RBMS3: variants seen among roughly 807,000 people sequenced by gnomAD.
The protein encoded by RBMS3 is RNA binding motif single stranded interacting protein 3, also known as RNA-binding motif, single-stranded-interacting protein 3.
Under a neutral mutation model 66.8 loss-of-function variants are expected in RBMS3, and 27 were observed. The observed-to-expected ratio is 0.40, with a 90% confidence interval of 0.30 to 0.56. RBMS3 has a LOEUF of 0.56. Among genes scored for constraint, RBMS3 ranks in the 20% least tolerant of loss-of-function variants. The pLI, the probability that RBMS3 is intolerant of heterozygous loss-of-function variation, is 0.40. For missense variants in RBMS3, 513 were observed against 549.5 expected, an observed-to-expected ratio of 0.93 and a Z score of 0.66; for synonymous variants, 188 against 183.0, an observed-to-expected ratio of 1.03 and a Z score of -0.22.
intron 4 of RBMS3, among the ~76,000 whole-genome samples, chr3:29,632,776 GT>G (rs921119679): frequency 2.0e-5 from 3 of 151,852 alleles, no homozygotes; most frequent in African/African-American, 7.2e-5. Flanking sequence ...GGATCTTTGT[GT>G]TTTTTCTTCC....
intron 2 of RBMS3, chr3:29,435,140 A>C: frequency 2.0e-6 from 1 of 502,412 alleles, no homozygotes; most frequent in Non-Finnish European, 3.5e-6. Context: ...TATACATGGA[A>C]ATGCTGGCTG....
intron 12 of RBMS3, among the ~76,000 whole-genome samples, chr3:29,987,224 T>G: frequency 6.6e-6 from 1 of 152,206 alleles, no homozygotes; most frequent in East Asian, 1.9e-4. Context: ...TTTGATGTTT[T>G]GTGTTATTGG....
intron 10 of RBMS3, among the ~76,000 whole-genome samples, chr3:29,904,904 T>C (rs2060338996): frequency 6.6e-6 from 1 of 152,042 alleles, no homozygotes; most frequent in Non-Finnish European, 1.5e-5. Flanking sequence ...TCTTTTCTTA[T>C]TTATAAAAGA....
At chr3:29,634,673 G>GTGTTTCCTA (rs1165680464) in intron 4 of RBMS3, among the ~76,000 whole-genome samples, 1 of 151,702 alleles carries the variant, frequency 6.6e-6, no homozygotes, top group Admixed American at 6.6e-5. Context: ...TCCCATCTAG[G>GTGTTTCCTA]TGTTTCCTAG....
rs552203851 is a variant in RBMS3, at chr3:29,978,033, A to G, written c.1099-10110A>G. ...TCGTTCTCTTAGTCCTCTGCCATTTATTAGCTGGATAAAATGAAAGCAGTC... is the reference window on the plus strand; with the variant it reads ...TCGTTCTCTTAGTCCTCTGCCATTTGTTAGCTGGATAAAATGAAAGCAGTC... On this transcript the variant is annotated intron_variant, in intron 12 of 14. Coordinates refer to ENST00000383767, the MANE Select transcript of RBMS3 (RefSeq NM_001003793.3). 5.3e-5 allele frequency among the ~76,000 whole-genome samples: 8 copies of G among 152,292 alleles called. No individual in the cohort carries two copies. The South Asian group carries it at 1.7e-3, about 32-fold the overall frequency.
chr3:29,442,628 C>T (rs2041670434), intron 2 of RBMS3, among the ~76,000 whole-genome samples: 1 of 152,102 alleles, frequency 6.6e-6, no homozygotes, highest in African/African-American at 2.4e-5. Context: ...AGGCAGATCT[C>T]ATGCTGAATG....
chr3:29,822,007 A>G (rs956868843), intron 6 of RBMS3, among the ~76,000 whole-genome samples: 3 of 152,158 alleles, frequency 2.0e-5, no homozygotes, highest in Non-Finnish European at 2.9e-5. Flanking sequence ...TTTTTTCATC[A>G]TATGTTCATT....
At chr3:29,389,372 G>A in intron 1 of RBMS3, among the ~76,000 whole-genome samples, 1 of 152,156 alleles carries the variant, frequency 6.6e-6, no homozygotes, top group Admixed American at 6.5e-5. Context: ...CTGCAGAAGT[G>A]CGCTTGGCTT....
chr3:29,994,380 A>ATTAG (rs1289819724), intron 14 of RBMS3, among the ~76,000 whole-genome samples: 2 of 152,252 alleles, frequency 1.3e-5, no homozygotes, highest in African/African-American at 4.8e-5. Context: ...CCCAGGCTTG[A>ATTAG]TTAGGTAAAC....
At chr3:29,563,682 A>T (rs76587103) in intron 3 of RBMS3, among the ~76,000 whole-genome samples, 12,595 of 152,242 alleles carry the variant, frequency 0.083, 580 homozygotes, top group South Asian at 0.11. Flanking sequence ...TTTTTAAAAA[A>T]ACTTCCTGTT....
chr3:29,327,090 A>T (rs2125504657), intron 1 of RBMS3, among the ~76,000 whole-genome samples: 1 of 152,224 alleles, frequency 6.6e-6, no homozygotes, highest in Middle Eastern at 3.4e-3. Flanking sequence ...AAGGTAGGAG[A>T]CTAATGTTAA....
chr3:29,972,491 C>T (rs1039739562), intron 12 of RBMS3, among the ~76,000 whole-genome samples: 2 of 151,972 alleles, frequency 1.3e-5, no homozygotes, highest in Admixed American at 6.6e-5. Flanking sequence ...GCTCACCACC[C>T]ATCTTGGATC....
chr3:29,883,838 A>G (rs2059793289), intron 7 of RBMS3, among the ~76,000 whole-genome samples: 1 of 151,994 alleles, frequency 6.6e-6, no homozygotes, highest in Non-Finnish European at 1.5e-5. Flanking sequence ...GAGATGTACA[A>G]TAGGTGTTCT....
Position 30,009,853 on chromosome 3 carries a change from TTTC to T in RBMS3, c.*5992_*5994del, listed in dbSNP as rs1424002880. ...TCTAAGATTATTGAGAAAGATGTTT[TTTC>T]CTCCTCCCTCAAATATGTTATCTCT... is the stretch of plus-strand genomic sequence containing the variant. On this transcript the variant is annotated 3_prime_UTR_variant, in exon 15 of 15. Coordinates refer to ENST00000383767, the MANE Select transcript of RBMS3 (RefSeq NM_001003793.3). The T allele has an allele frequency of 6.6e-6, 1 of 152,174 alleles. No homozygotes were observed. Among genetic ancestry groups the T allele is most frequent in the East Asian group, 1.9e-4 (1 of 5,194 alleles). 9.4% of individuals were successfully genotyped at this position (152,174 alleles called of 1,614,324 possible).
chr3:29,861,099 G>T (rs1470087612), intron 6 of RBMS3, among the ~76,000 whole-genome samples: 1 of 152,010 alleles, frequency 6.6e-6, no homozygotes, highest in African/African-American at 2.4e-5. Context: ...TTCTGACCTC[G>T]TGATCATTTG....
chr3:29,477,545 T>G (rs2042989064), intron 2 of RBMS3, among the ~76,000 whole-genome samples: 1 of 152,110 alleles, frequency 6.6e-6, no homozygotes. Flanking sequence ...TACAATATAG[T>G]ACAATACAAT....
intron 1 of RBMS3, among the ~76,000 whole-genome samples, chr3:29,381,198 G>T (rs1353630520): frequency 1.3e-5 from 2 of 152,142 alleles, no homozygotes; most frequent in Non-Finnish European, 2.9e-5. Context: ...TTGACAAGTA[G>T]TAGATTGGGT....
intron 1 of RBMS3, among the ~76,000 whole-genome samples, chr3:29,398,516 G>A (rs2039655972): frequency 6.6e-6 from 1 of 152,092 alleles, no homozygotes. Flanking sequence ...AACAGATCTT[G>A]GTTTGGCAAA....
intron 1 of RBMS3, among the ~76,000 whole-genome samples, chr3:29,387,932 G>T (rs1163254248): frequency 2.6e-5 from 4 of 151,974 alleles, no homozygotes; most frequent in East Asian, 3.9e-4. Flanking sequence ...AACAGTGCTG[G>T]CCTCTTACCT....
Sources: allele counts gnomAD v4.1 joint callset (sites outside exome capture counted in the v4.1 genomes callset), GRCh38; gene constraint gnomAD v4.1.1; transcripts MANE v1.5; gene names NCBI Gene and HGNC (gene_info 2026-07-23, HGNC 2026-07-21).